HIVEP1: variants seen among roughly 807,000 people sequenced by gnomAD.
HIVEP1 encodes the protein HIVEP zinc finger 1, also known as zinc finger protein 40.
A neutral mutation model predicts 180.0 loss-of-function variants in HIVEP1; 36 were observed. That is an observed-to-expected ratio of 0.20 (90% CI 0.15 to 0.26). HIVEP1 has a LOEUF of 0.26. Among genes scored for constraint, HIVEP1 ranks in the 10% least tolerant of loss-of-function variants. The pLI is 1.00. For missense variants in HIVEP1, 3,143 were observed against 3,268.7 expected (o/e 0.96, Z 0.94); for synonymous variants, 1,239 against 1,239.0 (o/e 1.00, Z 0.00).
At chr6:12,113,147 C>T (rs936643400) in intron 3 of HIVEP1, among the ~76,000 whole-genome samples, 1 of 151,256 alleles carries the variant, frequency 6.6e-6, no homozygotes, top group Non-Finnish European at 1.5e-5. Context: ...TGTGGACTCC[C>T]TCAGCCCATC....
chr6:12,124,261 A>G lies in HIVEP1; in HGVS notation c.4466A>G (p.Lys1489Arg). ...ACTTTGCACTCTCAGACTCAGGTTA[A>G]GGATCTGCAGGCAGAAACATCAAAC... is the stretch of plus-strand genomic sequence containing the variant. Reference protein sequence around the residue: ...ANTLHSQTQVKDLQAETSNSS... With the variant: ...ANTLHSQTQVRDLQAETSNSS... Residue 1489 changes from lysine (K) to arginine (R), a missense_variant, in exon 4 of 9, where the codon AAG becomes AGG. By Grantham distance (26) the Lys-to-Arg change is conservative. Transcript: ENST00000379388. 3 of 1,614,164 alleles carry G rather than the reference A, an allele frequency of 1.9e-6. No homozygotes were observed. In the South Asian group the frequency reaches 3.3e-5, roughly 18 times the overall value.
rs528347970 is a variant in HIVEP1 at position 12,161,527 on chromosome 6, C to T, written c.6576C>T (p.Asp2192=). The T allele has an allele frequency of 9.9e-6, 16 of 1,614,076 alleles. No homozygotes were observed. Among genetic ancestry groups the T allele is most frequent in the East Asian group, 4.5e-5 (2 of 44,874 alleles). ...GPDEDDNENE[D]DDEDSQAESV... is the part of the protein sequence containing the mutation. ...ATGAGGATGACAATGAAAATGAAGA[C>T]GATGATGAGGACAGCCAGGCTGAAT... The change falls in exon 8 of 9, where the codon GAC becomes GAT. Residue 2192 remains aspartate, a synonymous_variant. Coordinates refer to ENST00000379388, the MANE Select transcript of HIVEP1 (RefSeq NM_002114.4).
rs778352381 is a variant in HIVEP1, at chr6:12,125,745, G to T, written c.5950G>T (p.Val1984Phe). The change falls in exon 4 of 9, where the codon GTT (valine) becomes TTT (phenylalanine). Residue 1984 changes from valine (V) to phenylalanine (F), a missense_variant. Transcript: ENST00000379388. ...AAATCCACTCGGTTTGCCCACAAAA[G>T]TTGCACTTGCTCTCCTTAATTCAAA... ...NPNPLGLPTK[V>F]ALALLNSKQN... The T allele has an allele frequency of 1.1e-5, 18 of 1,614,040 alleles. No individual in the cohort carries two copies. In the South Asian group the frequency reaches 1.4e-4, roughly 13 times the overall value.
At chr6:12,058,959 T>A (rs9918348) in intron 2 of HIVEP1, among the ~76,000 whole-genome samples, 3,821 of 151,968 alleles carry the variant, frequency 0.025, 166 homozygotes, top group African/African-American at 0.088. Flanking sequence ...TTTTTTTTTC[T>A]TTTTTGGAGA....
rs554418724 is a variant in HIVEP1, at chr6:12,019,893, G to A, written c.40+4225G>A. ...CGTATACTTGTCTGTGTGTGCACACGTATACACATATTAAAGTATTAGGCA... is the reference window on the plus strand; with the variant it reads ...CGTATACTTGTCTGTGTGTGCACACATATACACATATTAAAGTATTAGGCA... On this transcript the variant is annotated intron_variant, in intron 2 of 8. Coordinates refer to ENST00000379388, the MANE Select transcript of HIVEP1 (RefSeq NM_002114.4). 3.9e-5 allele frequency among the ~76,000 whole-genome samples: 6 copies of A among 152,292 alleles called. No individual in the cohort carries two copies. In the South Asian group the frequency reaches 1.2e-3, roughly 32 times the overall value.
intron 2 of HIVEP1, among the ~76,000 whole-genome samples, chr6:12,044,108 C>T (rs1386563546): frequency 1.3e-5 from 2 of 152,108 alleles, no homozygotes; most frequent in Non-Finnish European, 1.5e-5. Flanking sequence ...GGTGAGCCTG[C>T]CCGTGTGGAG....
chr6:12,161,462 G>T lies in HIVEP1; in HGVS notation c.6511G>T (p.Glu2171Ter). 6.2e-7 allele frequency: 1 copy of T among 1,613,390 alleles called. No individual in the cohort carries two copies. Among genetic ancestry groups the T allele is most frequent in the South Asian group, 1.1e-5 (1 of 91,056 alleles). ...ESDEKQRFSYERSGYDLEESD... is the reference protein window; with the variant it reads ...ESDEKQRFSY ...AGATGAAAAACAGAGATTCAGTTAT[G>T]AGCGATCTGGATATGATCTTGAAGA... The change falls in exon 8 of 9, where the codon GAG becomes TAG. Residue 2171 changes from glutamate (E) to a stop codon, truncating the protein, a stop_gained. Transcript: ENST00000379388. LOFTEE classifies it high-confidence loss of function.
intron 2 of HIVEP1, among the ~76,000 whole-genome samples, chr6:12,083,324 T>G (rs1049716777): frequency 6.6e-6 from 1 of 152,200 alleles, no homozygotes; most frequent in African/African-American, 2.4e-5. Flanking sequence ...AAGTATTTGT[T>G]TAACCAGCTC....
At position 12,120,444 on chromosome 6, in the gene HIVEP1, T is replaced by A; in HGVS notation, c.649T>A (p.Cys217Ser). ...CACCTTGTCACAAAAGGGCTCACCT[T>A]GTGCAATTAAGACAGAAAAACTGAG... ...LSTLSQKGSP[C>S]AIKTEKLRPN... Residue 217 changes from cysteine to serine, a missense_variant, in exon 4 of 9, where the codon TGT becomes AGT. Cys to Ser is a moderately radical substitution (Grantham distance 112, BLOSUM62 -1). Coordinates refer to ENST00000379388, the MANE Select transcript of HIVEP1 (RefSeq NM_002114.4). The A allele has an allele frequency of 5.0e-6, 8 of 1,614,190 alleles. No homozygotes were observed. Among genetic ancestry groups the A allele is most frequent in the Non-Finnish European group, 6.8e-6 (8 of 1,180,032 alleles).
At chr6:12,016,912 CCTG>C (rs1258050665) in intron 2 of HIVEP1, among the ~76,000 whole-genome samples, 2 of 152,072 alleles carry the variant, frequency 1.3e-5, no homozygotes, top group Non-Finnish European at 2.9e-5. Context: ...AGACATGGGC[CCTG>C]CTTTATCTGT....
rs541354023 is a variant in HIVEP1 at position 12,144,621 on chromosome 6, T to C, written c.6487+8729T>C. Among the ~76,000 whole-genome samples the C allele has an allele frequency of 6.6e-5, 10 of 152,224 alleles. No homozygotes were observed. In the East Asian group the frequency reaches 1.9e-3, roughly 29 times the overall value. On this transcript the variant is annotated intron_variant, in intron 7 of 8. Transcript: ENST00000379388. ...ATGGGAGAAAATTTTTGCAATCTAC[T>C]CATCTGACAAAGGGCTAATATCCAG...
intron 6 of HIVEP1, among the ~76,000 whole-genome samples, chr6:12,134,069 A>G (rs1758576890): frequency 1.3e-5 from 2 of 152,212 alleles, no homozygotes; most frequent in South Asian, 4.1e-4. Context: ...TTGACTTACA[A>G]GTGGAAATTT....
Position 12,122,008 on chromosome 6 carries a change from C to T in HIVEP1, c.2213C>T (p.Pro738Leu). Residue 738 changes from proline to leucine, a missense_variant, in exon 4 of 9, where the codon CCT becomes CTT. Physicochemically the swap from Pro to Leu is moderately conservative, Grantham distance 98 (BLOSUM62 -3). Transcript: ENST00000379388. ...ALLLPGQMRP[P>L]LATKTLEERI... The stretch of plus-strand genomic sequence containing the variant: ...CTTTTACCAGGTCAGATGCGCCCAC[C>T]TTTGGCCACAAAAACACTTGAGGAG... The T allele has an allele frequency of 6.2e-7, 1 of 1,614,172 alleles. No individual in the cohort carries two copies. The highest frequency in any genetic ancestry group is 8.5e-7 in the Non-Finnish European group (1 of 1,180,040).
intron 7 of HIVEP1, 59 bp downstream of exon 7, chr6:12,135,951 TC>T: frequency 9.3e-7 from 1 of 1,076,728 alleles, no homozygotes. Context: ...TTTTTTTGCT[TC>T]CATACCCTTT....
chr6:12,116,492 G>A (rs542478598), intron 3 of HIVEP1, among the ~76,000 whole-genome samples: 2 of 151,720 alleles, frequency 1.3e-5, no homozygotes, highest in East Asian at 3.9e-4. Flanking sequence ...GCCTGCCATC[G>A]TCCTTCTGTT....
upstream of HIVEP1, chr6:12,011,893 C>G (rs1180964542): frequency 7.1e-6 from 1 of 141,180 alleles, no homozygotes; most frequent in African/African-American, 2.6e-5. Context: ...CGCGTCGCCG[C>G]CCGCGGCCTC....
At chr6:12,161,306 G>C (rs116064977) in intron 7 of HIVEP1, 133 bp from the exon 8 acceptor site, 3 of 818,162 alleles carry the variant, frequency 3.7e-6, no homozygotes, top group East Asian at 4.9e-5. Context: ...CAGCCAGGGC[G>C]GAGGCTCGTT....
chr6:12,170,097 G>A, the HIVEP1 span, among the ~76,000 whole-genome samples: 4 of 151,894 alleles, frequency 2.6e-5, no homozygotes, highest in Admixed American at 1.3e-4. Flanking sequence ...CTCCAGCCTG[G>A]GCGACAGAGT....
chr6:12,013,009 G>A (rs1008328166), intron 1 of HIVEP1, among the ~76,000 whole-genome samples: 2 of 152,034 alleles, frequency 1.3e-5, no homozygotes, highest in African/African-American at 2.4e-5. Flanking sequence ...GAAGGGGGCG[G>A]TGGGTTGGGG....
Sources: allele counts gnomAD v4.1 joint callset (sites outside exome capture counted in the v4.1 genomes callset), GRCh38; gene constraint gnomAD v4.1.1; transcripts MANE v1.5; gene names NCBI Gene and HGNC (gene_info 2026-07-23, HGNC 2026-07-21).